Variants in HDAC9 observed in about 807,000 individuals in gnomAD.
HDAC9 encodes the protein MEF-2 interacting transcription repressor (MITR) protein.
In HDAC9, 41 loss-of-function variants were observed where a neutral mutation model predicts 139.4. The observed-to-expected ratio is 0.29, with a 90% confidence interval of 0.23 to 0.38. The LOEUF is 0.38. Among genes scored for constraint, HDAC9 ranks in the 10% least tolerant of loss-of-function variants. The pLI, the probability that HDAC9 is intolerant of heterozygous loss-of-function variation, is 1.00. For missense variants in HDAC9, 1,147 were observed against 1,297.0 expected (o/e 0.88, Z 1.78); for synonymous variants, 517 against 476.2 (o/e 1.09, Z -1.12).
At chr7:18,870,200 G>A (rs138155008) in intron 21 of HDAC9, among the ~76,000 whole-genome samples, 36 of 152,106 alleles carry the variant, frequency 2.4e-4, no homozygotes, top group Non-Finnish European at 4.3e-4. Flanking sequence ...ATTTTATATG[G>A]CACTGCAAAT....
chr7:18,466,341 C>A lies in HDAC9; in HGVS notation c.-41-29921C>A, dbSNP rs148280195. On this transcript the variant is annotated intron_variant, in intron 1 of 3. Coordinates refer to the HDAC9 transcript ENST00000413509. ...TCTCCCAAGTAGCTGGGATTACAAG[C>A]ATGCACCACCACACCTGGCTAATTT... 4.4e-3 allele frequency among the ~76,000 whole-genome samples: 675 copies of A among 152,242 alleles called. 10 individuals are homozygous for A. The highest frequency in any genetic ancestry group is 0.014 in the African/African-American group (598 of 41,546).
chr7:18,792,925 A>C (rs1423981793), intron 16 of HDAC9, among the ~76,000 whole-genome samples: 5 of 152,092 alleles, frequency 3.3e-5, no homozygotes, highest in African/African-American at 1.2e-4. Context: ...CCCCTCTAGC[A>C]CTTGCAAATC....
intron 1 of HDAC9, among the ~76,000 whole-genome samples, chr7:18,465,905 A>G (rs1304996000): frequency 6.6e-6 from 1 of 152,200 alleles, no homozygotes; most frequent in Non-Finnish European, 1.5e-5. Context: ...TGTTGCTGCC[A>G]TCAGGAACTA....
chr7:18,133,597 G>A (rs578063572), intron 1 of HDAC9, among the ~76,000 whole-genome samples: 1 of 152,218 alleles, frequency 6.6e-6, no homozygotes, highest in African/African-American at 2.4e-5. Context: ...AGATATGAAC[G>A]TTTTCACTTA....
chr7:18,913,738 A>AT (rs1802941891), intron 22 of HDAC9, among the ~76,000 whole-genome samples: 2 of 78,218 alleles, frequency 2.6e-5, no homozygotes, highest in Non-Finnish European at 6.9e-5. Context: ...TTAAAAAGAT[A>AT]ATATATTGAC....
At chr7:18,873,113 C>T (rs576184353) in intron 21 of HDAC9, among the ~76,000 whole-genome samples, 16 of 152,080 alleles carry the variant, frequency 1.1e-4, no homozygotes, top group African/African-American at 3.6e-4. Flanking sequence ...TTAATGACAA[C>T]CATAATGTAA....
intron 2 of HDAC9, among the ~76,000 whole-genome samples, chr7:18,548,964 G>C (rs1438876804): frequency 2.6e-5 from 4 of 152,368 alleles, no homozygotes; most frequent in African/African-American, 9.6e-5. Context: ...AATAGGCCAG[G>C]TGTGGTGGCT....
chr7:18,315,100 C>T (rs1799551494), intron 1 of HDAC9, among the ~76,000 whole-genome samples: 1 of 152,138 alleles, frequency 6.6e-6, no homozygotes, highest in South Asian at 2.1e-4. Context: ...GAATGCATTT[C>T]TGTAATCCTC....
intron 7 of HDAC9, among the ~76,000 whole-genome samples, chr7:18,630,108 C>G (rs921500824): frequency 6.6e-6 from 1 of 151,984 alleles, no homozygotes; most frequent in African/African-American, 2.4e-5. Context: ...AACCTGAGGT[C>G]TTACAACACC....
intron 1 of HDAC9, among the ~76,000 whole-genome samples, chr7:18,414,915 T>C (rs912830344): frequency 6.6e-6 from 1 of 152,176 alleles, no homozygotes; most frequent in Non-Finnish European, 1.5e-5. Context: ...TTGAAACCCT[T>C]TGTATTTGGT....
At chr7:18,820,570 G>C (rs944029062) in intron 17 of HDAC9, among the ~76,000 whole-genome samples, 4 of 152,116 alleles carry the variant, frequency 2.6e-5, no homozygotes, top group African/African-American at 7.2e-5. Context: ...GTGCAAAATC[G>C]GGGGCCCTTG....
intron 1 of HDAC9, among the ~76,000 whole-genome samples, chr7:18,358,048 G>A (rs1032204190): frequency 6.6e-5 from 10 of 152,174 alleles, no homozygotes; most frequent in African/African-American, 2.2e-4. Context: ...GTGTAGCTGG[G>A]TGTGGTGGTG....
chr7:18,112,758 G>C (rs1380728182), intron 1 of HDAC9, among the ~76,000 whole-genome samples: 1 of 152,124 alleles, frequency 6.6e-6, no homozygotes, highest in Non-Finnish European at 1.5e-5. Context: ...ATTTTGATGA[G>C]AGCCAGTTGT....
intron 22 of HDAC9, among the ~76,000 whole-genome samples, chr7:18,923,078 CTAT>C (rs1175510789): frequency 6.6e-6 from 1 of 151,924 alleles, no homozygotes; most frequent in Non-Finnish European, 1.5e-5. Flanking sequence ...CTTTTGTCAC[CTAT>C]TATTAATTAG....
chr7:18,226,956 T>A (rs1793095729), intron 2 of HDAC9, among the ~76,000 whole-genome samples: 2 of 152,302 alleles, frequency 1.3e-5, no homozygotes, highest in South Asian at 4.1e-4. Flanking sequence ...AACTGTAATT[T>A]GGAGGGAAGC....
Position 18,566,450 on chromosome 7 carries a change from G to A in HDAC9, c.23-18831G>A, listed in dbSNP as rs536361458. 7.2e-5 allele frequency among the ~76,000 whole-genome samples: 11 copies of A among 152,248 alleles called. No individual in the cohort carries two copies. The South Asian group carries it at 2.1e-3, about 29-fold the overall frequency. ...GATTTACCCAAAGAAGTCAATGAAG[G>A]CCAACAGCAGTTGCCTTTTGCATGA... On this transcript the variant is annotated intron_variant, in intron 2 of 25. Transcript: ENST00000686413.
At chr7:18,814,958 C>T (rs371758268) in intron 17 of HDAC9, among the ~76,000 whole-genome samples, 26 of 152,016 alleles carry the variant, frequency 1.7e-4, no homozygotes, top group Non-Finnish European at 2.9e-4. Context: ...TTATAGGTAA[C>T]GAATGATGGT....
intron 12 of HDAC9, among the ~76,000 whole-genome samples, chr7:18,724,419 A>G (rs1280859897): frequency 1.3e-5 from 2 of 152,192 alleles, no homozygotes; most frequent in East Asian, 3.8e-4. Context: ...CAATATAAAT[A>G]CAGTTTATTA....
At chr7:18,411,999 T>C (rs1788611467) in intron 1 of HDAC9, among the ~76,000 whole-genome samples, 1 of 151,794 alleles carries the variant, frequency 6.6e-6, no homozygotes, top group East Asian at 1.9e-4. Context: ...CTAATGTTTG[T>C]ATTTTTTTGG....
Sources: allele counts gnomAD v4.1 joint callset (sites outside exome capture counted in the v4.1 genomes callset), GRCh38; gene constraint gnomAD v4.1.1; transcripts MANE v1.5; gene names NCBI Gene and HGNC (gene_info 2026-07-23, HGNC 2026-07-21).